ANKS1B: variants seen among roughly 807,000 people sequenced by gnomAD.
The protein encoded by ANKS1B is ankyrin repeat and sterile alpha motif domain containing 1B.
A neutral mutation model predicts 148.3 loss-of-function variants in ANKS1B; 36 were observed. That is an observed-to-expected ratio of 0.24 (90% CI 0.19 to 0.32). The LOEUF is 0.32. ANKS1B is among the 10% of genes least tolerant of loss of function. ANKS1B has a pLI of 1.00. For missense variants in ANKS1B, 1,157 were observed against 1,542.6 expected (o/e 0.75, Z 4.19); for synonymous variants, 542 against 560.8 (o/e 0.97, Z 0.47).
intron 14 of ANKS1B, among the ~76,000 whole-genome samples, chr12:99,230,866 AAATAAT>A (rs1300814004): frequency 6.6e-6 from 1 of 152,148 alleles, no homozygotes; most frequent in Non-Finnish European, 1.5e-5. Flanking sequence ...ATGTTATATA[AAATAAT>A]AATAAAAATA....
At chr12:98,864,914 C>T (rs1453258092) in intron 17 of ANKS1B, among the ~76,000 whole-genome samples, 4 of 152,340 alleles carry the variant, frequency 2.6e-5, no homozygotes, top group African/African-American at 4.8e-5. Flanking sequence ...TGATATCCCT[C>T]CTTCCTTAGG....
chr12:99,139,650 T>A (rs1270717883), intron 15 of ANKS1B, among the ~76,000 whole-genome samples: 1 of 151,168 alleles, frequency 6.6e-6, no homozygotes, highest in African/African-American at 2.4e-5. Flanking sequence ...CATTGTTGGC[T>A]TTTATTAACA....
chr12:99,105,981 C>A, intron 15 of ANKS1B, among the ~76,000 whole-genome samples: 1 of 152,062 alleles, frequency 6.6e-6, no homozygotes, highest in African/African-American at 2.4e-5. Flanking sequence ...TGGTCTCCAA[C>A]AAGAAGAGTG....
At chr12:99,018,880 T>C (rs1421805497) in intron 17 of ANKS1B, among the ~76,000 whole-genome samples, 3 of 152,102 alleles carry the variant, frequency 2.0e-5, no homozygotes, top group Non-Finnish European at 4.4e-5. Context: ...GAGGCAGAGG[T>C]TGCAGTGAAC....
At chr12:99,826,620 T>C (rs1220851979) in intron 1 of ANKS1B, among the ~76,000 whole-genome samples, 4 of 152,128 alleles carry the variant, frequency 2.6e-5, no homozygotes. Context: ...GGGAAGACAA[T>C]GCAGGATGGA....
intron 1 of ANKS1B, among the ~76,000 whole-genome samples, chr12:99,926,158 T>C (rs1436100510): frequency 6.6e-6 from 1 of 152,254 alleles, no homozygotes. Flanking sequence ...AATTTATATA[T>C]TTAATGCTTA....
chr12:99,241,760 A>G (rs1487723392), intron 14 of ANKS1B, among the ~76,000 whole-genome samples: 4 of 152,238 alleles, frequency 2.6e-5, no homozygotes, highest in African/African-American at 7.2e-5. Flanking sequence ...AAATCAATAA[A>G]TGTAATCCAT....
intron 1 of ANKS1B, among the ~76,000 whole-genome samples, chr12:99,868,122 C>T (rs912196845): frequency 1.3e-5 from 2 of 152,080 alleles, no homozygotes; most frequent in Non-Finnish European, 1.5e-5. Context: ...AACTAGCAAA[C>T]TGGCAATAAA....
At chr12:99,868,856 G>A (rs767311839) in intron 1 of ANKS1B, among the ~76,000 whole-genome samples, 5 of 152,060 alleles carry the variant, frequency 3.3e-5, no homozygotes, top group East Asian at 3.9e-4. Context: ...TCAGGAGTTC[G>A]AGACCAGCCT....
chr12:99,116,091 G>T (rs984603163), intron 15 of ANKS1B, among the ~76,000 whole-genome samples: 1 of 152,070 alleles, frequency 6.6e-6, no homozygotes, highest in East Asian at 1.9e-4. Flanking sequence ...AGTTTCTATT[G>T]TGTAGGATTG....
chr12:99,421,022 C>T (rs575495285), intron 11 of ANKS1B, among the ~76,000 whole-genome samples: 2 of 152,238 alleles, frequency 1.3e-5, no homozygotes, highest in African/African-American at 4.8e-5. Context: ...TTTGCATTCA[C>T]AAAATGAGGA....
chr12:99,727,520 C>A (rs1234273279), intron 8 of ANKS1B, among the ~76,000 whole-genome samples: 3 of 152,122 alleles, frequency 2.0e-5, no homozygotes, highest in African/African-American at 4.8e-5. Context: ...ACATTCCATC[C>A]TCATGGATAG....
At chr12:98,834,038 A>G (rs1407726582) in intron 17 of ANKS1B, among the ~76,000 whole-genome samples, 1 of 152,180 alleles carries the variant, frequency 6.6e-6, no homozygotes, top group Non-Finnish European at 1.5e-5. Flanking sequence ...TTAAACTCAC[A>G]CTACGCCCTA....
chr12:99,026,717 G>A (rs537168610), intron 17 of ANKS1B, among the ~76,000 whole-genome samples: 6 of 152,252 alleles, frequency 3.9e-5, no homozygotes, highest in African/African-American at 1.4e-4. Context: ...CATTGCATTT[G>A]CAACCAAGAA....
intron 12 of ANKS1B, among the ~76,000 whole-genome samples, chr12:99,364,646 T>C (rs892031825): frequency 1.3e-5 from 2 of 152,232 alleles, no homozygotes; most frequent in African/African-American, 4.8e-5. Context: ...TTGATGGTCA[T>C]GAACGCAAGT....
At chr12:99,208,100 TA>T (rs1326706907) in intron 14 of ANKS1B, among the ~76,000 whole-genome samples, 1 of 152,124 alleles carries the variant, frequency 6.6e-6, no homozygotes, top group Non-Finnish European at 1.5e-5. Context: ...AGTTTTTCTT[TA>T]TTTTTTTAGG....
At chr12:98,878,183 G>T (rs868661425) in intron 17 of ANKS1B, among the ~76,000 whole-genome samples, 21 of 147,936 alleles carry the variant, frequency 1.4e-4, no homozygotes, top group Admixed American at 1.1e-3. Context: ...TAATGAGGAC[G>T]TACTACTTGT....
intron 1 of ANKS1B, among the ~76,000 whole-genome samples, chr12:99,926,277 G>T (rs942448864): frequency 2.6e-4 from 39 of 152,276 alleles, no homozygotes; most frequent in Non-Finnish European, 4.6e-4. Flanking sequence ...CCTTGCGAAG[G>T]TTAATTTTAT....
intron 14 of ANKS1B, among the ~76,000 whole-genome samples, chr12:99,188,164 A>G (rs1437608079): frequency 6.6e-6 from 1 of 152,218 alleles, no homozygotes; most frequent in Admixed American, 6.5e-5. Context: ...ATATATATGC[A>G]CTCAATAGAG....
Sources: gnomAD v4.1 joint callset for allele counts (sites outside exome capture counted in the v4.1 genomes callset) on GRCh38, gnomAD v4.1.1 for gene constraint, MANE v1.5 for transcripts, NCBI Gene and HGNC (gene_info 2026-07-23, HGNC 2026-07-21) for gene names.